Variants in SLC8A1 observed in about 807,000 individuals in gnomAD.
The protein encoded by SLC8A1 is solute carrier family 8 member A1, also known as sodium/calcium exchanger 1.
In SLC8A1, 18 loss-of-function variants were observed where a neutral mutation model predicts 68.3. The ratio of observed to expected loss-of-function variants is 0.26; its 90% CI spans 0.18 to 0.39. The LOEUF (loss-of-function observed/expected upper bound fraction) is 0.39, where lower values mean the gene tolerates loss of function less well. SLC8A1 is among the 10% of genes least tolerant of loss of function. SLC8A1 has a pLI of 1.00. For synonymous variants in SLC8A1, 475 were observed against 415.5 expected, an observed-to-expected ratio of 1.14 and a Z score of -1.74; for missense variants, 985 against 1,156.7, an observed-to-expected ratio of 0.85 and a Z score of 2.15.
In SLC8A1 at chr2:40,345,414, C is replaced by T. The variant is rs151299252; in HGVS notation, c.1808+83059G>A. Among the ~76,000 whole-genome samples the T allele has an allele frequency of 4.3e-3, 661 of 152,096 alleles. 11 individuals are homozygous for T. The East Asian group carries it at 0.054, about 12-fold the overall frequency. ...ATGTTTTATACCACATGTAGGGAAGCAGTCAGAAGATTCATGTGAGCAACA... is the reference window on the plus strand; with the variant it reads ...ATGTTTTATACCACATGTAGGGAAGTAGTCAGAAGATTCATGTGAGCAACA... On this transcript the variant is annotated intron_variant, in intron 2 of 7. Coordinates refer to ENST00000406785, the Ensembl canonical transcript of SLC8A1.
intron 2 of SLC8A1, among the ~76,000 whole-genome samples, chr2:40,409,211 T>C (rs1448675185): frequency 6.6e-6 from 1 of 152,158 alleles, no homozygotes; most frequent in Non-Finnish European, 1.5e-5. Context: ...TAAAAGAACC[T>C]ATTAGTTGAC....
chr2:40,322,858 C>T (rs2075371945), intron 2 of SLC8A1, among the ~76,000 whole-genome samples: 1 of 151,650 alleles, frequency 6.6e-6, no homozygotes, highest in African/African-American at 2.4e-5. Flanking sequence ...ACACCACACA[C>T]ACCCCACACA....
At chr2:40,404,791 C>G (rs567473341) in intron 2 of SLC8A1, among the ~76,000 whole-genome samples, 6 of 152,136 alleles carry the variant, frequency 3.9e-5, no homozygotes, top group Non-Finnish European at 7.3e-5. Flanking sequence ...GTTAAACAGG[C>G]TGTCCAAAAA....
chr2:40,458,073 A>G (rs541503710), intron 1 of SLC8A1, among the ~76,000 whole-genome samples: 31 of 152,314 alleles, frequency 2.0e-4, no homozygotes, highest in Admixed American at 1.5e-3. Flanking sequence ...GGATGGTTCT[A>G]TGATTCAGCC....
chr2:40,323,640 C>G (rs895565678), intron 2 of SLC8A1, among the ~76,000 whole-genome samples: 28 of 151,770 alleles, frequency 1.8e-4, no homozygotes, highest in African/African-American at 6.8e-4. Flanking sequence ...AGCATATGAC[C>G]CAAACAGCTG....
At chr2:40,220,043 G>A (rs1412226692) in intron 2 of SLC8A1, 1 of 151,884 alleles carries the variant, frequency 6.6e-6, no homozygotes, top group Non-Finnish European at 1.5e-5. Flanking sequence ...TCAGGCCAAT[G>A]AGCCCAAAGT....
At chr2:40,155,331 G>A (rs62150905) in intron 6 of SLC8A1, among the ~76,000 whole-genome samples, 10 of 151,952 alleles carry the variant, frequency 6.6e-5, no homozygotes, top group South Asian at 2.1e-4. Context: ...TGGTTTCACC[G>A]TGTTAGCCAG....
At chr2:40,105,106 G>A (rs2034114015) in exon 8 of SLC8A1, 1 of 151,992 alleles carries the variant, frequency 6.6e-6, no homozygotes, top group South Asian at 2.1e-4. Flanking sequence ...AATTCTCCAA[G>A]GAGAATTAGA....
chr2:40,220,231 A>C (rs1488906580), intron 2 of SLC8A1: 2 of 152,164 alleles, frequency 1.3e-5, no homozygotes, highest in African/African-American at 2.4e-5. Flanking sequence ...AGCAGGAGGA[A>C]AACAGTGGAG....
intron 2 of SLC8A1, among the ~76,000 whole-genome samples, chr2:40,425,261 A>T (rs1437680120): frequency 6.6e-6 from 1 of 151,938 alleles, no homozygotes; most frequent in Non-Finnish European, 1.5e-5. Flanking sequence ...ATTGAAATAA[A>T]TCAACTCATT....
intron 2 of SLC8A1, among the ~76,000 whole-genome samples, chr2:40,199,402 A>C (rs895819880): frequency 5.3e-5 from 8 of 151,658 alleles, no homozygotes; most frequent in African/African-American, 1.9e-4. Context: ...CATCATAATC[A>C]TACTACAGAG....
Position 40,495,908 on chromosome 2 carries a change from G to A in SLC8A1, c.-25+16441C>T, listed in dbSNP as rs557500910. 3.5e-4 allele frequency among the ~76,000 whole-genome samples: 53 copies of A among 152,142 alleles called. No homozygotes were observed. The South Asian group carries it at 5.4e-3, about 15-fold the overall frequency. ...TAAAGAACTGTCAATGATTCAGTTG[G>A]TAGATGCCAGAAATTATGTGATTCT... On this transcript the variant is annotated intron_variant, in intron 1 of 7. Transcript: ENST00000402441.
intron 2 of SLC8A1, among the ~76,000 whole-genome samples, chr2:40,331,374 A>C (rs947261569): frequency 3.3e-5 from 5 of 152,180 alleles, no homozygotes; most frequent in African/African-American, 1.2e-4. Context: ...ACACACACAC[A>C]TAATGCCTAC....
At chr2:40,244,565 CA>C (rs70957161) in intron 2 of SLC8A1, among the ~76,000 whole-genome samples, 8,988 of 127,102 alleles carry the variant, frequency 0.071, 213 homozygotes, top group African/African-American at 0.12. Context: ...TATGAAAAAC[CA>C]AAAAAAAAAA....
chr2:40,276,226 G>C (rs1323450231), intron 2 of SLC8A1, among the ~76,000 whole-genome samples: 1 of 152,200 alleles, frequency 6.6e-6, no homozygotes, highest in African/African-American at 2.4e-5. Context: ...GCCAGGGCAA[G>C]AAGACAAGAC....
At chr2:40,347,081 A>C (rs550123082) in intron 2 of SLC8A1, among the ~76,000 whole-genome samples, 6 of 152,208 alleles carry the variant, frequency 3.9e-5, no homozygotes, top group Admixed American at 6.5e-5. Context: ...CTTTGTATAG[A>C]AGGTTGGTGT....
chr2:40,166,464 A>C (rs2046572620), intron 4 of SLC8A1, among the ~76,000 whole-genome samples: 1 of 152,226 alleles, frequency 6.6e-6, no homozygotes, highest in African/African-American at 2.4e-5. Flanking sequence ...GCACCAAATA[A>C]ATTAGTTGCA....
chr2:40,468,879 C>T (rs1047439862), intron 1 of SLC8A1, among the ~76,000 whole-genome samples: 2 of 151,912 alleles, frequency 1.3e-5, no homozygotes, highest in African/African-American at 4.8e-5. Flanking sequence ...AGTTTTATAC[C>T]AGCCTGGGCA....
chr2:40,136,060 C>T (rs2040441608), intron 7 of SLC8A1, among the ~76,000 whole-genome samples: 1 of 152,096 alleles, frequency 6.6e-6, no homozygotes, highest in African/African-American at 2.4e-5. Flanking sequence ...AGACTGATGT[C>T]CAGGAAGTAA....
Sources: gnomAD v4.1 joint callset for allele counts (sites outside exome capture counted in the v4.1 genomes callset) on GRCh38, gnomAD v4.1.1 for gene constraint, MANE v1.5 for transcripts, NCBI Gene and HGNC (gene_info 2026-07-23, HGNC 2026-07-21) for gene names.